FAM111A: variants seen among roughly 807,000 people sequenced by gnomAD.
FAM111A encodes the protein FAM111 trypsin like peptidase A.
In FAM111A, 8 loss-of-function variants were observed where a neutral mutation model predicts 3.3. The observed-to-expected ratio is 2.39, with a 90% CI of 1.40 to 4.32. The LOEUF (loss-of-function observed/expected upper bound fraction) is 4.32. Among genes scored for constraint, FAM111A ranks in the 30% most tolerant of loss-of-function variants. The probability of loss-of-function intolerance (pLI) is 0.00; values close to 1 mark genes in which losing one functional copy is unlikely to be tolerated. For missense variants in FAM111A, 683 were observed against 727.6 expected (o/e 0.94, Z 0.71); for synonymous variants, 227 against 243.1 (o/e 0.93, Z 0.62).
Position 59,152,519 on chromosome 11 carries a change from C to T in FAM111A, c.851C>T (p.Ser284Leu), listed in dbSNP as rs373535960. ...GCAGCAGCTTCTCAGAATCCTGAGT[C>T]AGAGAAAAGAAACACCTGTGTGTTG... The part of the protein sequence containing the change: ...PSAAASQNPE[S>L]EKRNTCVLRE... The change falls in exon 6 of 6, where the codon TCA becomes TTA. Residue 284 changes from serine (S) to leucine (L), a missense_variant. Transcript: ENST00000675163. 6 of 1,613,950 alleles carry T rather than the reference C, an allele frequency of 3.7e-6. No individual in the cohort carries two copies. Among genetic ancestry groups the T allele is most frequent in the Non-Finnish European group, 4.2e-6 (5 of 1,179,988 alleles).
chr11:59,149,245 AT>A lies in FAM111A; in HGVS notation c.81+302del, dbSNP rs61083600. 0.044 allele frequency: 10,698 copies of A among 245,626 alleles called. 743 individuals are homozygous for A. The highest frequency in any genetic ancestry group is 0.17 in the African/African-American group (7,316 of 43,530). 15.2% of individuals were successfully genotyped at this position (245,626 alleles called of 1,614,324 possible). ...ATGCACGTTTAGTTCAGGCACACTCATTTTTTTTTTCCCAAAATATTTTCAA... is the reference window on the plus strand; with the variant it reads ...ATGCACGTTTAGTTCAGGCACACTCATTTTTTTTTCCCAAAATATTTTCAA... On this transcript the variant is annotated intron_variant, in intron 5 of 5. Transcript: ENST00000675163.
rs780276576 is a variant in FAM111A, at chr11:59,152,059, A to C, written c.391A>C (p.Thr131Pro). 1.9e-6 allele frequency: 3 copies of C among 1,614,230 alleles called. No homozygotes were observed. Among genetic ancestry groups the C allele is most frequent in the Non-Finnish European group, 1.7e-6 (2 of 1,180,046 alleles). ...AGGCCAAGAAATGCTTGTGCGTGGC[A>C]CAGAAGGAATCAAAGAGTACATAAA... The part of the protein sequence containing the change: ...HQGQEMLVRG[T>P]EGIKEYINLG... Residue 131 changes from threonine to proline, a missense_variant, in exon 6 of 6, where the codon ACA becomes CCA. Physicochemically the swap from Thr to Pro is conservative, Grantham distance 38. Transcript: ENST00000675163.
In FAM111A at chr11:59,145,837, G is replaced by A. The variant is rs1007850115; in HGVS notation, c.-96G>A. 1.2e-4 allele frequency: 18 copies of A among 152,110 alleles called. No individual in the cohort carries two copies. The highest frequency in any genetic ancestry group is 4.3e-4 in the African/African-American group (18 of 41,470). The allele number at this position is 152,110 out of a possible 1,614,324, so 9.4% of individuals were successfully genotyped here. ...TATTTTTTTTCCTAGGTTCTCTGCT[G>A]TTTAAAAAGTATCCCTGTGGTGAGT... On this transcript the variant is annotated 5_prime_UTR_variant, in exon 4 of 6. Coordinates refer to ENST00000675163, the MANE Select transcript of FAM111A (RefSeq NM_001312909.2).
intron 4 of FAM111A, among the ~76,000 whole-genome samples, chr11:59,147,241 T>C (rs79167356): frequency 6.6e-6 from 1 of 152,080 alleles, no homozygotes; most frequent in Non-Finnish European, 1.5e-5. Flanking sequence ...GGATTTACGA[T>C]CAAGAGGTGA....
chr11:59,153,022 G>A lies in FAM111A; in HGVS notation c.1354G>A (p.Val452Ile), dbSNP rs778134736. The A allele has an allele frequency of 1.9e-6, 3 of 1,613,952 alleles. No homozygotes were observed. Among genetic ancestry groups the A allele is most frequent in the Admixed American group, 1.7e-5 (1 of 59,998 alleles). Residue 452 changes from valine to isoleucine, a missense_variant, in exon 6 of 6, where the codon GTA (valine) becomes ATA (isoleucine). Physicochemically the swap from Val to Ile is conservative, Grantham distance 29. Coordinates refer to ENST00000675163, the MANE Select transcript of FAM111A (RefSeq NM_001312909.2). ...GAAACTGAAGGAAAATGGACAACAA[G>A]TACCTATGGAACTATATAATGGAAT... ...VLKLKENGQQ[V>I]PMELYNGITP...
chr11:59,152,049 T>C lies in FAM111A; in HGVS notation c.381T>C (p.Leu127=), dbSNP rs757759067. The C allele has an allele frequency of 8.7e-6, 14 of 1,614,102 alleles. No individual in the cohort carries two copies. In the Middle Eastern group the frequency reaches 4.9e-4, roughly 57 times the overall value. ...EIETHQGQEM[L]VRGTEGIKEY... ...AAACTCACCAAGGCCAAGAAATGCT[T>C]GTGCGTGGCACAGAAGGAATCAAAG... Residue 127 remains leucine (L), a synonymous_variant, in exon 6 of 6, where the codon CTT becomes CTC. Transcript: ENST00000675163.
rs374319106 is a variant in FAM111A at position 59,152,066 on chromosome 11, G to A, written c.398G>A (p.Gly133Glu). The change falls in exon 6 of 6, where the codon GGA becomes GAA. Residue 133 changes from glycine (G) to glutamate (E), a missense_variant. Transcript: ENST00000675163. ...GAAATGCTTGTGCGTGGCACAGAAG[G>A]AATCAAAGAGTACATAAACCTTGGA... ...GQEMLVRGTE[G>E]IKEYINLGMP... 60 of 1,614,068 alleles carry A rather than the reference G, an allele frequency of 3.7e-5. No individual in the cohort carries two copies. Among genetic ancestry groups the A allele is most frequent in the Non-Finnish European group, 4.7e-5 (56 of 1,180,034 alleles).
Position 59,153,451 on chromosome 11 carries a change from G to T in FAM111A, c.1783G>T (p.Glu595Ter). ...GCAAAGACATAAACCATGGTATGAA[G>T]AAGTATTTGTAAATCAGCAGGATGT... is the stretch of plus-strand genomic sequence containing the variant. ...IKQRHKPWYE[E>*]VFVNQQDVEM... The change falls in exon 6 of 6, where the codon GAA (glutamate) becomes TAA (stop). Residue 595 changes from glutamate (E) to a stop codon, truncating the protein, a stop_gained. Coordinates refer to ENST00000675163, the MANE Select transcript of FAM111A (RefSeq NM_001312909.2). LOFTEE classifies it low-confidence loss of function (END_TRUNC). The T allele has an allele frequency of 6.2e-7, 1 of 1,613,072 alleles. No homozygotes were observed. The highest frequency in any genetic ancestry group is 2.2e-5 in the East Asian group (1 of 44,890).
chr11:59,148,786 A>G lies in FAM111A; in HGVS notation c.-76-11A>G. ...ACCAGCTAATCTTTTCCTCTGTACA[A>G]TTAATGACAGCTTTGAAGATACTGC... On this transcript the variant is annotated splice_polypyrimidine_tract_variant and intron_variant, in intron 4 of 5. Coordinates refer to ENST00000675163, the MANE Select transcript of FAM111A (RefSeq NM_001312909.2). 4 of 920,376 alleles carry G rather than the reference A, an allele frequency of 4.3e-6. No homozygotes were observed. Among genetic ancestry groups the G allele is most frequent in the African/African-American group, 1.6e-5 (1 of 60,882 alleles). The allele number at this position is 920,376 out of a possible 1,614,324, so 57.0% of individuals were successfully genotyped here.
At position 59,154,215 on chromosome 11, in the gene FAM111A, A is replaced by C. The variant is rs1429412726; in HGVS notation, c.*711A>C. The stretch of plus-strand genomic sequence containing the variant: ...GACATAAGGAAAGTAAGTGCTCAGA[A>C]AAATGTGCAGGTCAATAAGTTGCAA... On this transcript the variant is annotated 3_prime_UTR_variant, in exon 6 of 6. Coordinates refer to ENST00000675163, the MANE Select transcript of FAM111A (RefSeq NM_001312909.2). 1 of 152,212 alleles carries C rather than the reference A, an allele frequency of 6.6e-6. No homozygotes were observed. Among genetic ancestry groups the C allele is most frequent in the African/African-American group, 2.4e-5 (1 of 41,456 alleles). The allele number at this position is 152,212 out of a possible 1,614,324, so 9.4% of individuals were successfully genotyped here.
Position 59,153,376 on chromosome 11 carries a change from A to G in FAM111A, c.1708A>G (p.Ser570Gly). 2 of 1,614,194 alleles carry G rather than the reference A, an allele frequency of 1.2e-6. No individual in the cohort carries two copies. The highest frequency in any genetic ancestry group is 1.7e-6 in the Non-Finnish European group (2 of 1,180,024). The change falls in exon 6 of 6, where the codon AGT (serine) becomes GGT (glycine). Residue 570 changes from serine to glycine, a missense_variant. By Grantham distance (56) the Ser-to-Gly change is moderately conservative. Coordinates refer to ENST00000675163, the MANE Select transcript of FAM111A (RefSeq NM_001312909.2). ...TTATACTTACCAAAATGAGACTCGT[A>G]GTATCATTGAGTTTGGCTCTACCAT... is the stretch of plus-strand genomic sequence containing the variant. ...FAYTYQNETR[S>G]IIEFGSTMES... is the part of the protein sequence containing the mutation.
At chr11:59,148,495 G>A (rs371475767) in intron 4 of FAM111A, 19 of 174,006 alleles carry the variant, frequency 1.1e-4, no homozygotes, top group Admixed American at 2.4e-4. Flanking sequence ...TGGGCAGTTC[G>A]TCTACCTTCT....
rs1420328135 is a variant in FAM111A at position 59,154,956 on chromosome 11, G to T, written c.*1452G>T. 6.6e-6 allele frequency: 1 copy of T among 152,606 alleles called. No individual in the cohort carries two copies. Among genetic ancestry groups the T allele is most frequent in the Non-Finnish European group, 1.5e-5 (1 of 68,044 alleles). The allele number at this position is 152,606 out of a possible 1,614,324, so 9.5% of individuals were successfully genotyped here. ...TGCTTGTTATATAAAGGGTACTTTT[G>T]GGAGGGTGAGTGCCGCCATTTAGTG... is the stretch of plus-strand genomic sequence containing the variant. On this transcript the variant is annotated 3_prime_UTR_variant, in exon 6 of 6. Transcript: ENST00000675163.
chr11:59,142,901 C>T lies in FAM111A; in HGVS notation c.-573C>T, dbSNP rs2135416253. 1.3e-5 allele frequency: 2 copies of T among 152,586 alleles called. No homozygotes were observed. Among genetic ancestry groups the T allele is most frequent in the South Asian group, 4.1e-4 (2 of 4,838 alleles). The allele number at this position is 152,586 out of a possible 1,614,324, so 9.5% of individuals were successfully genotyped here. A position where few individuals can be genotyped will look rare whatever the true frequency, so the allele number is the denominator to read the frequency against. On this transcript the variant is annotated 5_prime_UTR_variant, in exon 1 of 6. Coordinates refer to ENST00000675163, the MANE Select transcript of FAM111A (RefSeq NM_001312909.2). ...ACTAGGATGCTTTCGCTTTCGCTCT[C>T]GCTTTCCAATACTCGGGACTGGGGA...
chr11:59,146,657 A>G (rs1240365793), intron 4 of FAM111A, among the ~76,000 whole-genome samples: 4 of 152,252 alleles, frequency 2.6e-5, no homozygotes, highest in African/African-American at 9.6e-5. Context: ...AGTAAACTAG[A>G]AAGCCAGGAC....
chr11:59,149,906 T>C (rs1861437851), intron 5 of FAM111A, among the ~76,000 whole-genome samples: 1 of 152,176 alleles, frequency 6.6e-6, no homozygotes, highest in Non-Finnish European at 1.5e-5. Context: ...ATTGTATCTT[T>C]CCCTGAGTCT....
intron 5 of FAM111A, 130 bp downstream of exon 5, chr11:59,149,083 G>A (rs2135457792): frequency 1.5e-6 from 1 of 659,210 alleles, no homozygotes; most frequent in Non-Finnish European, 2.8e-6. Flanking sequence ...GCATAGTATT[G>A]GCATATAATG....
At chr11:59,148,525 TC>T (rs1315955446) in intron 4 of FAM111A, 1 of 209,854 alleles carries the variant, frequency 4.8e-6, no homozygotes, top group Non-Finnish European at 9.5e-6. Flanking sequence ...ACTTTCCCCA[TC>T]AGCAAAGTGT....
rs377285829 is a variant in FAM111A at position 59,148,958 on chromosome 11, G to C, written c.81+5G>C. Reference sequence around the variant, plus strand: ...ATCGAGCACTATTTTTCTCCGGTATGTCTGTAAATTCTACTTATGTAATCT... The same window carrying C: ...ATCGAGCACTATTTTTCTCCGGTATCTCTGTAAATTCTACTTATGTAATCT... On this transcript the variant is annotated splice_donor_5th_base_variant and intron_variant, in intron 5 of 5. Coordinates refer to ENST00000675163, the MANE Select transcript of FAM111A (RefSeq NM_001312909.2). The C allele has an allele frequency of 1.2e-6, 2 of 1,602,486 alleles. No homozygotes were observed. The highest frequency in any genetic ancestry group is 2.2e-5 in the South Asian group (2 of 90,770).
Sources: allele counts gnomAD v4.1 joint callset (sites outside exome capture counted in the v4.1 genomes callset), GRCh38; gene constraint gnomAD v4.1.1; transcripts MANE v1.5; gene names NCBI Gene and HGNC (gene_info 2026-07-23, HGNC 2026-07-21).